The following ADGRV1 variants were observed in gnomAD, a reference collection of about 807,000 sequenced individuals.
ADGRV1 encodes the protein adhesion G protein-coupled receptor V1.
ADGRV1 carries 359 observed loss-of-function variants against 596.2 expected under a neutral mutation model. The observed-to-expected ratio is 0.60, with a 90% CI of 0.55 to 0.66. The LOEUF (loss-of-function observed/expected upper bound fraction) is 0.66, where lower values mean the gene tolerates loss of function less well. Ranked by LOEUF, ADGRV1 falls within the 30% of genes least tolerant of loss-of-function variation. The probability of loss-of-function intolerance (pLI) is 0.00; values close to 1 mark genes in which losing one functional copy is unlikely to be tolerated. For missense variants in ADGRV1, 7,274 were observed against 7,575.6 expected, an observed-to-expected ratio of 0.96 and a Z score of 1.48; for synonymous variants, 2,681 against 2,679.2, an observed-to-expected ratio of 1.00 and a Z score of -0.02.
intron 82 of ADGRV1, among the ~76,000 whole-genome samples, chr5:90,863,218 A>G (rs931984259): frequency 6.6e-6 from 1 of 152,228 alleles, no homozygotes; most frequent in African/African-American, 2.4e-5. Flanking sequence ...TTGCAAGATA[A>G]AAGATTTGTT....
chr5:90,756,982 G>T lies in ADGRV1; in HGVS notation c.11761G>T (p.Ala3921Ser). ...CAATTATATTCTTTACTTAAAGGGC[G>T]CTGGGGAAGTTATTACTGCCTATGA... ...GIFMFHVTRGAGEVITAYEVP... is the reference protein window; with the variant it reads ...GIFMFHVTRGSGEVITAYEVP... Residue 3921 changes from alanine to serine, a missense_variant, in exon 57 of 90, where the codon GCT (alanine) becomes TCT (serine). Ala to Ser is a moderately conservative substitution (Grantham distance 99). Coordinates refer to ENST00000405460, the MANE Select transcript of ADGRV1 (RefSeq NM_032119.4). 8.8e-6 allele frequency: 14 copies of T among 1,595,212 alleles called. No individual in the cohort carries two copies. The highest frequency in any genetic ancestry group is 1.2e-5 in the Non-Finnish European group (14 of 1,170,544).
intron 9 of ADGRV1, among the ~76,000 whole-genome samples, chr5:90,633,930 C>A (rs1430368112): frequency 6.6e-6 from 1 of 151,978 alleles, no homozygotes; most frequent in Non-Finnish European, 1.5e-5. Flanking sequence ...TACTATCCAT[C>A]GCAAAATAGG....
intron 25 of ADGRV1, chr5:90,676,856 T>C (rs1260212626): frequency 3.9e-5 from 6 of 152,188 alleles, no homozygotes; most frequent in Non-Finnish European, 8.8e-5. Flanking sequence ...CAACAATACC[T>C]TAACTTCAGT....
intron 71 of ADGRV1, 185 bp from the exon 72 acceptor site, chr5:90,805,099 C>A: frequency 2.4e-6 from 1 of 410,290 alleles, no homozygotes; most frequent in East Asian, 3.6e-5. Context: ...CAACTATAAC[C>A]TAAATAATAA....
rs544779149 is a variant in ADGRV1, at chr5:91,108,461, C to T, written c.18432+6121C>T. 3.4e-4 allele frequency among the ~76,000 whole-genome samples: 20 copies of T among 58,758 alleles called. No homozygotes were observed. In the East Asian group the frequency reaches 7.6e-3, roughly 22 times the overall value. 38.5% of individuals were successfully genotyped at this position (58,758 alleles called of 152,430 possible). ...AGATTATTATGATGTCATAGGTGCTCTAAAACTATGATTGAAAGGGATGGT... is the reference window on the plus strand; with the variant it reads ...AGATTATTATGATGTCATAGGTGCTTTAAAACTATGATTGAAAGGGATGGT... On this transcript the variant is annotated intron_variant, in intron 87 of 89. Coordinates refer to ENST00000405460, the MANE Select transcript of ADGRV1 (RefSeq NM_032119.4).
At chr5:91,118,336 T>C (rs534943899) in intron 87 of ADGRV1, among the ~76,000 whole-genome samples, 2 of 152,172 alleles carry the variant, frequency 1.3e-5, no homozygotes, top group Middle Eastern at 3.4e-3. Flanking sequence ...TGCCACGCTA[T>C]TATGGGATCT....
intron 78 of ADGRV1, among the ~76,000 whole-genome samples, chr5:90,846,898 T>G (rs944601778): frequency 3.3e-5 from 5 of 152,206 alleles, no homozygotes; most frequent in African/African-American, 1.2e-4. Flanking sequence ...GACAGGGTGC[T>G]GACTGGTGCA....
chr5:90,594,680 A>G (rs1016891162), intron 1 of ADGRV1, among the ~76,000 whole-genome samples: 2 of 149,338 alleles, frequency 1.3e-5, no homozygotes, highest in African/African-American at 2.5e-5. Context: ...GGGAGTGGTG[A>G]TGACTCTTAA....
chr5:90,608,211 G>C (rs1466071426), intron 1 of ADGRV1, among the ~76,000 whole-genome samples: 3 of 152,060 alleles, frequency 2.0e-5, no homozygotes, highest in Non-Finnish European at 4.4e-5. Flanking sequence ...GAAATAATAG[G>C]AGTTCTAGGA....
intron 21 of ADGRV1, among the ~76,000 whole-genome samples, chr5:90,660,188 A>G (rs2149487424): frequency 6.6e-6 from 1 of 152,280 alleles, no homozygotes; most frequent in South Asian, 2.1e-4. Flanking sequence ...AACTGTAGTT[A>G]TTTCTCATAA....
intron 66 of ADGRV1, 37 bp downstream of exon 66, chr5:90,783,362 C>A (rs1463641510): frequency 1.5e-6 from 2 of 1,342,848 alleles, no homozygotes; most frequent in Admixed American, 3.7e-5. Flanking sequence ...ACATATAAGA[C>A]ATAAGTATTG....
intron 85 of ADGRV1, among the ~76,000 whole-genome samples, chr5:91,039,423 A>G (rs900153398): frequency 2.6e-5 from 4 of 152,216 alleles, no homozygotes; most frequent in African/African-American, 9.7e-5. Flanking sequence ...CTTCCTGACC[A>G]TGAAAACAGG....
chr5:90,787,355 A>G (rs191050627), intron 67 of ADGRV1, among the ~76,000 whole-genome samples: 2 of 152,292 alleles, frequency 1.3e-5, no homozygotes, highest in East Asian at 1.9e-4. Flanking sequence ...TGCATGGTCT[A>G]CAGCAGAGTT....
chr5:91,084,050 C>T (rs1423303480), intron 86 of ADGRV1, among the ~76,000 whole-genome samples: 1 of 152,122 alleles, frequency 6.6e-6, no homozygotes, highest in African/African-American at 2.4e-5. Context: ...CTTCTCTCTT[C>T]CCAGGCCACC....
chr5:90,576,356 A>T (rs907174022), intron 1 of ADGRV1, among the ~76,000 whole-genome samples: 2 of 151,654 alleles, frequency 1.3e-5, no homozygotes, highest in African/African-American at 4.9e-5. Context: ...GAGTGAGAAC[A>T]TGTGGTGTTT....
In ADGRV1 at chr5:90,763,496, A is replaced by G. The variant is rs191429503; in HGVS notation, c.12285+27A>G. 524 of 1,572,460 alleles carry G rather than the reference A, an allele frequency of 3.3e-4. 5 individuals are homozygous for G. In the African/African-American group the frequency reaches 5.9e-3, roughly 18 times the overall value. On this transcript the variant is annotated intron_variant, in intron 59 of 89. Coordinates refer to ENST00000405460, the MANE Select transcript of ADGRV1 (RefSeq NM_032119.4). ...TATAGTCAGCATTAGCACTCCTGTA[A>G]TTTTTCCCCAATTTGTCTTTGATTT...
intron 83 of ADGRV1, among the ~76,000 whole-genome samples, chr5:90,955,985 G>A (rs1581623053): frequency 6.6e-6 from 1 of 152,252 alleles, no homozygotes; most frequent in East Asian, 1.9e-4. Flanking sequence ...GCACAGTAAG[G>A]TTAGGCAATG....
intron 82 of ADGRV1, among the ~76,000 whole-genome samples, chr5:90,861,183 G>T (rs79783606): frequency 0.019 from 2,960 of 152,050 alleles, 85 homozygotes; most frequent in African/African-American, 0.067. Context: ...TCAATTAGCT[G>T]CTTGTTTTAT....
At chr5:90,776,681 A>G in intron 61 of ADGRV1, 105 bp downstream of exon 61, 1 of 1,261,384 alleles carries the variant, frequency 7.9e-7, no homozygotes, top group South Asian at 1.3e-5. Context: ...GTCTTCAAGC[A>G]TTAACATTCT....
Sources: allele counts gnomAD v4.1 joint callset (sites outside exome capture counted in the v4.1 genomes callset), GRCh38; gene constraint gnomAD v4.1.1; transcripts MANE v1.5; gene names NCBI Gene and HGNC (gene_info 2026-07-23, HGNC 2026-07-21).